Variants in MBNL2 observed in about 807,000 individuals in gnomAD.
The protein encoded by MBNL2 is muscleblind-like protein 2.
In MBNL2, 17 loss-of-function variants were observed where a neutral mutation model predicts 41.9. That is an observed-to-expected ratio of 0.41 (90% CI 0.28 to 0.61). The LOEUF (loss-of-function observed/expected upper bound fraction) is 0.61, where lower values mean the gene tolerates loss of function less well. MBNL2 is among the 20% of genes least tolerant of loss of function. The pLI is 0.35. For synonymous variants in MBNL2, 195 were observed against 182.9 expected (o/e 1.07, Z -0.53); for missense variants, 336 against 505.6 (o/e 0.66, Z 3.22).
the MBNL2 span, chr13:97,179,730 C>T: frequency 1.3e-5 from 2 of 152,172 alleles, no homozygotes; most frequent in African/African-American, 4.8e-5. Context: ...CCAGAAAATC[C>T]AGTTCGTGCT....
At chr13:97,169,285 A>T in the MBNL2 span, among the ~76,000 whole-genome samples, 1 of 152,202 alleles carries the variant, frequency 6.6e-6, no homozygotes, top group African/African-American at 2.4e-5. Context: ...GGGGCTAATC[A>T]ACTCAGGTGG....
At position 97,343,110 on chromosome 13, in the gene MBNL2, C is replaced by A; in HGVS notation, c.434C>A (p.Pro145Gln). ...APVTPGVGLVPTEILPTTPVI... is the reference protein window; with the variant it reads ...APVTPGVGLVQTEILPTTPVI... ...GTAACCCCTGGAGTTGGGTTGGTCCCAACGGAAATTCTGCCCACCACGCCT... is the reference window on the plus strand; with the variant it reads ...GTAACCCCTGGAGTTGGGTTGGTCCAAACGGAAATTCTGCCCACCACGCCT... The change falls in exon 4 of 9, where the codon CCA becomes CAA. Residue 145 changes from proline (P) to glutamine (Q), a missense_variant. Transcript: ENST00000679496. 6.2e-7 allele frequency: 1 copy of A among 1,613,972 alleles called. No homozygotes were observed. The highest frequency in any genetic ancestry group is 8.5e-7 in the Non-Finnish European group (1 of 1,179,858).
intron 7 of MBNL2, among the ~76,000 whole-genome samples, chr13:97,360,422 T>A (rs1253360528): frequency 6.6e-6 from 1 of 152,172 alleles, no homozygotes; most frequent in African/African-American, 2.4e-5. Flanking sequence ...TTCTTTTTTT[T>A]TCTTTTTTCA....
chr13:97,255,283 C>G (rs2047309030), intron 1 of MBNL2, among the ~76,000 whole-genome samples: 1 of 152,222 alleles, frequency 6.6e-6, no homozygotes, highest in Admixed American at 6.5e-5. Flanking sequence ...TCCTTCTACT[C>G]TATTGTATAT....
chr13:97,221,869 G>T (rs1291014485), upstream of MBNL2, among the ~76,000 whole-genome samples: 1 of 152,188 alleles, frequency 6.6e-6, no homozygotes, highest in African/African-American at 2.4e-5. Context: ...ATATGTAAAT[G>T]TTTTGTAAGG....
chr13:97,347,833 C>T (rs1271728341), intron 5 of MBNL2, among the ~76,000 whole-genome samples: 1 of 152,152 alleles, frequency 6.6e-6, no homozygotes, highest in Non-Finnish European at 1.5e-5. Flanking sequence ...ACCTAGAAGC[C>T]TGTGGAGCCT....
chr13:97,242,953 C>T (rs530378245), intron 1 of MBNL2, among the ~76,000 whole-genome samples: 1 of 152,310 alleles, frequency 6.6e-6, no homozygotes, highest in African/African-American at 2.4e-5. Flanking sequence ...CCGCACGCGG[C>T]AGTCCCTCCC....
chr13:97,328,491 A>C (rs2060102445), intron 2 of MBNL2, among the ~76,000 whole-genome samples: 1 of 152,180 alleles, frequency 6.6e-6, no homozygotes, highest in Non-Finnish European at 1.5e-5. Flanking sequence ...AAATATCATC[A>C]TGCACCTACA....
the MBNL2 span, among the ~76,000 whole-genome samples, chr13:97,180,118 T>G: frequency 2.0e-5 from 3 of 152,220 alleles, no homozygotes; most frequent in South Asian, 2.1e-4. Flanking sequence ...GATGGAGAGA[T>G]GCAATTGAAA....
chr13:97,333,814 A>G (rs1325685490), intron 2 of MBNL2, among the ~76,000 whole-genome samples: 1 of 152,136 alleles, frequency 6.6e-6, no homozygotes, highest in East Asian at 1.9e-4. Context: ...AGCCCACAAT[A>G]GATATGCCCT....
intron 1 of MBNL2, among the ~76,000 whole-genome samples, chr13:97,243,673 C>A (rs1367839217): frequency 6.6e-6 from 1 of 152,206 alleles, no homozygotes; most frequent in Non-Finnish European, 1.5e-5. Context: ...AACTAATAGA[C>A]AATTGAGCAT....
chr13:97,148,878 C>T, the MBNL2 span, among the ~76,000 whole-genome samples: 6 of 152,212 alleles, frequency 3.9e-5, no homozygotes, highest in Non-Finnish European at 8.8e-5. Flanking sequence ...TGAATACATA[C>T]ATGTACATTT....
chr13:97,278,030 C>A (rs908869688), intron 2 of MBNL2, among the ~76,000 whole-genome samples: 3 of 151,794 alleles, frequency 2.0e-5, no homozygotes, highest in African/African-American at 7.3e-5. Context: ...CTGAAGTGGG[C>A]GGATCACGAG....
intron 1 of MBNL2, among the ~76,000 whole-genome samples, chr13:97,226,733 A>T (rs776300722): frequency 1.8e-4 from 27 of 152,204 alleles, no homozygotes; most frequent in Non-Finnish European, 3.7e-4. Flanking sequence ...AAGATGTCAG[A>T]TGAGCAATAG....
intron 2 of MBNL2, among the ~76,000 whole-genome samples, chr13:97,306,242 C>T (rs2058111772): frequency 6.6e-6 from 1 of 152,264 alleles, no homozygotes; most frequent in South Asian, 2.1e-4. Context: ...AACCCTTGCT[C>T]ACTGCAGGGC....
At chr13:97,356,215 C>G (rs997737879) in intron 5 of MBNL2, among the ~76,000 whole-genome samples, 16 of 151,604 alleles carry the variant, frequency 1.1e-4, no homozygotes, top group African/African-American at 3.9e-4. Flanking sequence ...ACAGTTTCGC[C>G]TAAATAATCT....
At chr13:97,236,774 T>A (rs1305301413) in intron 1 of MBNL2, among the ~76,000 whole-genome samples, 1 of 152,186 alleles carries the variant, frequency 6.6e-6, no homozygotes, top group Admixed American at 6.5e-5. Context: ...AAGTTAATGC[T>A]CCAAATTAGA....
At chr13:97,320,202 A>G (rs59190871) in intron 2 of MBNL2, among the ~76,000 whole-genome samples, 18,981 of 151,924 alleles carry the variant, frequency 0.12, 1,279 homozygotes, top group East Asian at 0.18. Flanking sequence ...TGTGGAGGCC[A>G]GAGGTCCAAA....
chr13:97,290,602 G>A (rs894075809), intron 2 of MBNL2, among the ~76,000 whole-genome samples: 15 of 151,756 alleles, frequency 9.9e-5, no homozygotes, highest in African/African-American at 3.6e-4. Flanking sequence ...CGTGAACCCG[G>A]GAAGCGGAGC....
Sources: gnomAD v4.1 joint callset for allele counts (sites outside exome capture counted in the v4.1 genomes callset) on GRCh38, gnomAD v4.1.1 for gene constraint, MANE v1.5 for transcripts, NCBI Gene and HGNC (gene_info 2026-07-23, HGNC 2026-07-21) for gene names.